WSB2: variants seen among roughly 807,000 people sequenced by gnomAD.
The protein encoded by WSB2 is WD repeat and SOCS box-containing protein 2.
A neutral mutation model predicts 48.8 loss-of-function variants in WSB2; 12 were observed. The observed-to-expected ratio is 0.25, with a 90% CI of 0.16 to 0.40. WSB2 has a LOEUF of 0.40. Ranked by LOEUF, WSB2 falls within the 10% of genes least tolerant of loss-of-function variation. WSB2 has a pLI of 1.00. For missense variants in WSB2, 317 were observed against 506.2 expected (o/e 0.63, Z 3.59); for synonymous variants, 191 against 203.1 (o/e 0.94, Z 0.51).
At chr12:118,053,073 C>T (rs55982995) in intron 1 of WSB2, among the ~76,000 whole-genome samples, 2,755 of 152,196 alleles carry the variant, frequency 0.018, 61 homozygotes, top group African/African-American at 0.058. Flanking sequence ...TCTTTTGCTA[C>T]AGTCTCCTGA....
chr12:118,045,084 G>T (rs1008921870), intron 2 of WSB2, among the ~76,000 whole-genome samples: 5 of 152,274 alleles, frequency 3.3e-5, no homozygotes, highest in Admixed American at 2.6e-4. Context: ...ATACACAAAA[G>T]AATTTTAACT....
chr12:118,042,763 TA>T, intron 4 of WSB2, 77 bp downstream of exon 4: 1 of 1,549,258 alleles, frequency 6.5e-7, no homozygotes. Flanking sequence ...CTGTTTTAGA[TA>T]AAAATGACAC....
At chr12:118,034,649 G>A in intron 8 of WSB2, 1 of 492,540 alleles carries the variant, frequency 2.0e-6, no homozygotes, top group South Asian at 3.0e-5. Context: ...AGGGGGAAGA[G>A]TGCCACCTAC....
In WSB2 at chr12:118,060,998, C is replaced by A; in HGVS notation, c.13+38G>T. The A allele has an allele frequency of 1.0e-6, 1 of 962,702 alleles. No homozygotes were observed. The highest frequency in any genetic ancestry group is 1.2e-6 in the Non-Finnish European group (1 of 808,520). The allele number at this position is 962,702 out of a possible 1,614,324, so 59.6% of individuals were successfully genotyped here. A position where few individuals can be genotyped will look rare whatever the true frequency, so the allele number is the denominator to read the frequency against. On this transcript the variant is annotated intron_variant, in intron 1 of 8. Coordinates refer to ENST00000315436, the MANE Select transcript of WSB2 (RefSeq NM_018639.5). This position sits in a 1 kb window ranked among gnomAD's most constrained non-coding sequence, Gnocchi z 4.1. Reference sequence around the variant, plus strand: ...CTCCCCGGGGAGAACGGGCCAGGGCCCCGCCGGGCGGGAACGGGCGCGCCC... The same window carrying A: ...CTCCCCGGGGAGAACGGGCCAGGGCACCGCCGGGCGGGAACGGGCGCGCCC...
rs182960021 is a variant in WSB2, at chr12:118,034,781, A to G, written c.1052+205T>C. ...GCCCATTAGGTGGCATGACTTACAG[A>G]TCTTTAATTACATTTAGGTTAAATA... is the stretch of plus-strand genomic sequence containing the variant. On this transcript the variant is annotated intron_variant, in intron 8 of 8. Transcript: ENST00000315436. 1.2e-4 allele frequency: 67 copies of G among 581,488 alleles called. No individual in the cohort carries two copies. The East Asian group carries it at 1.8e-3, about 16-fold the overall frequency. The allele number at this position is 581,488 out of a possible 1,614,324, so 36.0% of individuals were successfully genotyped here.
chr12:118,040,980 C>T (rs1391234339), intron 4 of WSB2, among the ~76,000 whole-genome samples: 2 of 152,190 alleles, frequency 1.3e-5, no homozygotes, highest in Non-Finnish European at 2.9e-5. Flanking sequence ...ACCTGGGAGG[C>T]GGAGGTTGCA....
At position 118,043,386 on chromosome 12, in the gene WSB2, A is replaced by G. The variant is rs376185861; in HGVS notation, c.183-9T>C. 1.3e-6 allele frequency: 2 copies of G among 1,528,764 alleles called. No homozygotes were observed. Among genetic ancestry groups the G allele is most frequent in the East Asian group, 4.5e-5 (2 of 44,220 alleles). The allele number at this position is 1,528,764 out of a possible 1,614,324, so 94.7% of individuals were successfully genotyped here. Reference sequence around the variant, plus strand: ...CAAACCCTTTAGGGATGCTGGGAGAAGCAGAGATTTCTTAATGAATCTGCA... The same window carrying G: ...CAAACCCTTTAGGGATGCTGGGAGAGGCAGAGATTTCTTAATGAATCTGCA... On this transcript the variant is annotated splice_polypyrimidine_tract_variant and intron_variant, in intron 2 of 8. Transcript: ENST00000315436.
intron 2 of WSB2, among the ~76,000 whole-genome samples, chr12:118,044,073 C>T (rs1057220094): frequency 6.6e-6 from 1 of 151,632 alleles, no homozygotes; most frequent in Non-Finnish European, 1.5e-5. Flanking sequence ...GAACCAAGAC[C>T]GCACCATTGC....
rs1455861840 is a variant in WSB2, at chr12:118,042,863, G to T, written c.537C>A (p.Arg179=). Reference sequence around the variant, plus strand: ...TACCGTGTTTATTCAGGTCCCAGATGCGAAGAGTCTTATCCCGTGACGCGG... The same window carrying T: ...TACCGTGTTTATTCAGGTCCCAGATTCGAAGAGTCTTATCCCGTGACGCGG... ...LVSASRDKTL[R]IWDLNKHGKQ... The change falls in exon 4 of 9, where the codon CGC becomes CGA. Residue 179 remains arginine (R), a synonymous_variant. Transcript: ENST00000315436. The T allele has an allele frequency of 6.2e-7, 1 of 1,614,206 alleles. No individual in the cohort carries two copies. The highest frequency in any genetic ancestry group is 8.5e-7 in the Non-Finnish European group (1 of 1,180,042).
rs567012408 is a variant in WSB2 at position 118,060,749 on chromosome 12, C to A, written c.13+287G>T. ...CCCCGCCCCGAGTCCCACCCGGGAG[C>A]CCCCTCTGTCCCGGTCGGGGGATCT... On this transcript the variant is annotated intron_variant, in intron 1 of 8. Coordinates refer to ENST00000315436, the MANE Select transcript of WSB2 (RefSeq NM_018639.5). This position sits in a 1 kb window ranked among gnomAD's most constrained non-coding sequence, Gnocchi z 4.1. Among the ~76,000 whole-genome samples the A allele has an allele frequency of 6.6e-6, 1 of 152,078 alleles. No individual in the cohort carries two copies. The highest frequency in any genetic ancestry group is 1.5e-5 in the Non-Finnish European group (1 of 67,970).
In WSB2 at chr12:118,036,318, A is replaced by G; in HGVS notation, c.833+20T>C. On this transcript the variant is annotated intron_variant, in intron 6 of 8. Transcript: ENST00000315436. ...ATCAGTCCCCCCACAAAAAAGTCAT[A>G]GCAGGGATTCAGTCCTTACTGGAGT... 1.9e-6 allele frequency: 3 copies of G among 1,605,462 alleles called. No homozygotes were observed. The African/African-American group carries it at 4.0e-5, about 21-fold the overall frequency.
chr12:118,041,629 C>T (rs2031638055), intron 4 of WSB2, among the ~76,000 whole-genome samples: 1 of 152,032 alleles, frequency 6.6e-6, no homozygotes, highest in Admixed American at 6.6e-5. Context: ...CCTCCAGCCC[C>T]TGATCCTCTT....
chr12:118,034,416 G>A lies in WSB2; in HGVS notation c.1053-58C>T, dbSNP rs946155153. 4.4e-6 allele frequency: 7 copies of A among 1,585,932 alleles called. No individual in the cohort carries two copies. In the African/African-American group the frequency reaches 9.5e-5, roughly 21 times the overall value. ...AGCTTGGATGTTCATGTTTTCATGAGGATGAATACTCATGTTTCTGTTTTG... is the reference window on the plus strand; with the variant it reads ...AGCTTGGATGTTCATGTTTTCATGAAGATGAATACTCATGTTTCTGTTTTG... On this transcript the variant is annotated intron_variant, in intron 8 of 8. Transcript: ENST00000315436.
chr12:118,039,007 G>A (rs1369252563), intron 4 of WSB2, among the ~76,000 whole-genome samples: 1 of 152,156 alleles, frequency 6.6e-6, no homozygotes, highest in Non-Finnish European at 1.5e-5. Context: ...AGCAGAGAAT[G>A]TTCTTTTTAG....
In WSB2 at chr12:118,060,979, G is replaced by A. The variant is rs1307301091; in HGVS notation, c.13+57C>T. The A allele has an allele frequency of 5.4e-6, 2 of 368,600 alleles. No individual in the cohort carries two copies. The highest frequency in any genetic ancestry group is 7.3e-6 in the Non-Finnish European group (2 of 273,948). The allele number at this position is 368,600 out of a possible 1,614,324, so 22.8% of individuals were successfully genotyped here. ...CCCCGGGGTCGCCTCCCCCCTCCCCGGGGAGAACGGGCCAGGGCCCCGCCG... is the reference window on the plus strand; with the variant it reads ...CCCCGGGGTCGCCTCCCCCCTCCCCAGGGAGAACGGGCCAGGGCCCCGCCG... On this transcript the variant is annotated intron_variant, in intron 1 of 8. Transcript: ENST00000315436. This position sits in a 1 kb window ranked among gnomAD's most constrained non-coding sequence, Gnocchi z 4.1.
chr12:118,052,461 C>T lies in WSB2; in HGVS notation c.31G>A (p.Ala11Thr). Residue 11 changes from alanine to threonine, a missense_variant, in exon 2 of 9, where the codon GCC becomes ACC. Around this residue, in one of 2 missense-constraint regions of WSB2, gnomAD observed 128 missense variants for 156.7 expected, o/e 0.82. Coordinates refer to ENST00000315436, the MANE Select transcript of WSB2 (RefSeq NM_018639.5). MEAGEEPLLL[A>T]ELKPGRPHQF... Reference sequence around the variant, plus strand: ...TGGGGGCGCCCGGGCTTGAGTTCGGCCAGCAGCAGCGGTTCCTCTGGGGCA... The same window carrying T: ...TGGGGGCGCCCGGGCTTGAGTTCGGTCAGCAGCAGCGGTTCCTCTGGGGCA... 6.2e-7 allele frequency: 1 copy of T among 1,614,064 alleles called. No individual in the cohort carries two copies. The highest frequency in any genetic ancestry group is 8.5e-7 in the Non-Finnish European group (1 of 1,180,028).
intron 1 of WSB2, 103 bp from the exon 2 acceptor site, chr12:118,052,581 C>T (rs2031875704): frequency 6.5e-7 from 1 of 1,538,188 alleles, no homozygotes. Flanking sequence ...CCACACTATC[C>T]ATTCCCAGAG....
At chr12:118,050,616 A>G (rs935178684) in intron 2 of WSB2, among the ~76,000 whole-genome samples, 9 of 152,116 alleles carry the variant, frequency 5.9e-5, no homozygotes, top group Admixed American at 1.3e-4. Flanking sequence ...TCAAGCCTGG[A>G]CAACAGAGCA....
At position 118,033,993 on chromosome 12, in the gene WSB2, T is replaced by G; in HGVS notation, c.*203A>C. On this transcript the variant is annotated 3_prime_UTR_variant, in exon 9 of 9. Coordinates refer to ENST00000315436, the MANE Select transcript of WSB2 (RefSeq NM_018639.5). ...GCTCTGTTGCCGTGCAAGTGGAATC[T>G]CTTCCTCTAAGACTGACTTTCACAT... 3.0e-6 allele frequency: 2 copies of G among 660,730 alleles called. No individual in the cohort carries two copies. Among genetic ancestry groups the G allele is most frequent in the Non-Finnish European group, 5.1e-6 (2 of 394,866 alleles). 40.9% of individuals were successfully genotyped at this position (660,730 alleles called of 1,614,324 possible).
Sources: gnomAD v4.1 joint callset for allele counts (sites outside exome capture counted in the v4.1 genomes callset) on GRCh38, gnomAD v4.1.1 for gene constraint, gnomAD v4.1.1 regional missense constraint, Gnocchi (gnomAD v3.1) non-coding constraint, MANE v1.5 for transcripts, NCBI Gene and HGNC (gene_info 2026-07-23, HGNC 2026-07-21) for gene names.